The following KCNMB2 variants were observed in gnomAD, a reference collection of about 807,000 sequenced individuals.
KCNMB2 encodes the protein potassium calcium-activated channel subfamily M regulatory beta subunit 2.
In KCNMB2, 9 loss-of-function variants were observed where a neutral mutation model predicts 24.5. The observed-to-expected ratio is 0.37, with a 90% CI of 0.22 to 0.64. The LOEUF (loss-of-function observed/expected upper bound fraction) is 0.64, where lower values mean the gene tolerates loss of function less well. Among genes scored for constraint, KCNMB2 ranks in the 30% least tolerant of loss-of-function variants. The pLI is 0.63. For missense variants in KCNMB2, 226 were observed against 284.3 expected, an observed-to-expected ratio of 0.79 and a Z score of 1.47; for synonymous variants, 109 against 104.4, an observed-to-expected ratio of 1.04 and a Z score of -0.27.
intron 1 of KCNMB2, among the ~76,000 whole-genome samples, chr3:178,573,300 C>G (rs780137130): frequency 3.9e-5 from 6 of 152,164 alleles, no homozygotes; most frequent in Admixed American, 6.5e-5. Context: ...TGAGCCACCA[C>G]ACCTGGCCAG....
Position 178,684,787 on chromosome 3 carries a change from C to T in KCNMB2, c.-67-122556C>T, listed in dbSNP as rs113474201. ...TGGAGGTTGCGGTGAGCCGAGATCG[C>T]GCCATTGCACTCCAGCCTGTGCAAC... On this transcript the variant is annotated intron_variant, in intron 1 of 4. Transcript: ENST00000452583. Among the ~76,000 whole-genome samples, 261 of 152,182 alleles carry T rather than the reference C, an allele frequency of 1.7e-3. 1 individual carries two copies. Among genetic ancestry groups the T allele is most frequent in the African/African-American group, 5.9e-3 (246 of 41,534 alleles).
intron 1 of KCNMB2, among the ~76,000 whole-genome samples, chr3:178,663,400 A>C (rs1720606462): frequency 6.6e-6 from 1 of 152,140 alleles, no homozygotes; most frequent in Non-Finnish European, 1.5e-5. Flanking sequence ...CCATGCTCTT[A>C]ACCATGACAT....
intron 1 of KCNMB2, among the ~76,000 whole-genome samples, chr3:178,655,095 CCTCTCTCT>C (rs67468527): frequency 0.023 from 2,536 of 111,146 alleles, 24 homozygotes; most frequent in Middle Eastern, 0.039. Flanking sequence ...ATTAGCTCTC[CCTCTCTCT>C]CTCTCTCTCT....
intron 1 of KCNMB2, among the ~76,000 whole-genome samples, chr3:178,796,388 A>T (rs1485410780): frequency 6.6e-6 from 1 of 152,214 alleles, no homozygotes; most frequent in African/African-American, 2.4e-5. Flanking sequence ...TTTAATCTGC[A>T]CTATCACATA....
intron 1 of KCNMB2, among the ~76,000 whole-genome samples, chr3:178,573,601 T>C (rs1038555278): frequency 9.2e-5 from 12 of 131,126 alleles, no homozygotes; most frequent in Admixed American, 3.8e-4. Context: ...AAAAAAAAAC[T>C]AGCCAGGTGT....
chr3:178,758,240 G>T (rs1035928538), intron 1 of KCNMB2, among the ~76,000 whole-genome samples: 1 of 8,804 alleles, frequency 1.1e-4, no homozygotes, highest in Non-Finnish European at 2.0e-4. Flanking sequence ...ATATCCAAGG[G>T]GATATATATA....
intron 1 of KCNMB2, among the ~76,000 whole-genome samples, chr3:178,617,835 G>A (rs1237498927): frequency 6.8e-6 from 1 of 147,392 alleles, no homozygotes; most frequent in African/African-American, 2.5e-5. Context: ...AGATTGCAGC[G>A]AGCCAAGATC....
chr3:178,843,298 TG>T lies in KCNMB2; in HGVS notation c.*362del, dbSNP rs1347194562. 2.3e-6 allele frequency: 1 copy of T among 440,892 alleles called. No homozygotes were observed. The highest frequency in any genetic ancestry group is 2.0e-5 in the African/African-American group (1 of 49,244). 27.3% of individuals were successfully genotyped at this position (440,892 alleles called of 1,614,324 possible). The stretch of plus-strand genomic sequence containing the variant: ...CTGTGTTCTGAGTTGTCAGATCTCT[TG>T]AAGACAATATTTTTCATCACTTATT... On this transcript the variant is annotated 3_prime_UTR_variant, in exon 5 of 5. Coordinates refer to ENST00000452583, the MANE Select transcript of KCNMB2 (RefSeq NM_181361.3).
intron 1 of KCNMB2, among the ~76,000 whole-genome samples, chr3:178,666,960 A>T (rs1190261563): frequency 1.3e-5 from 2 of 152,188 alleles, no homozygotes; most frequent in African/African-American, 4.8e-5. Context: ...AACCTACACA[A>T]GTTTTCCCAG....
chr3:178,642,382 C>T (rs924948901), intron 1 of KCNMB2, among the ~76,000 whole-genome samples: 3 of 152,180 alleles, frequency 2.0e-5, no homozygotes, highest in African/African-American at 7.2e-5. Context: ...AATAAGATGA[C>T]ACCTCTGTGG....
chr3:178,758,378 GA>G (rs1724292737), intron 1 of KCNMB2, among the ~76,000 whole-genome samples: 1 of 7,600 alleles, frequency 1.3e-4, no homozygotes, highest in Non-Finnish European at 1.7e-4. Flanking sequence ...ATATCTCCAA[GA>G]GGGGATACAT....
At chr3:178,572,355 T>C (rs897718383) in intron 1 of KCNMB2, among the ~76,000 whole-genome samples, 25 of 152,322 alleles carry the variant, frequency 1.6e-4, no homozygotes, top group Admixed American at 1.3e-3. Flanking sequence ...AATCACTGAT[T>C]TTTCTCAAGG....
chr3:178,748,973 C>T (rs1230455715), intron 1 of KCNMB2: 1 of 152,138 alleles, frequency 6.6e-6, no homozygotes, highest in African/African-American at 2.4e-5. Flanking sequence ...TTTAGCAAAT[C>T]AATGGCTTGT....
At chr3:178,557,070 C>T (rs1461529974) in intron 1 of KCNMB2, among the ~76,000 whole-genome samples, 3 of 152,176 alleles carry the variant, frequency 2.0e-5, no homozygotes, top group Non-Finnish European at 4.4e-5. Flanking sequence ...GAAGAATAAA[C>T]AAGGATTAAT....
chr3:178,761,723 G>C (rs1711891866), intron 1 of KCNMB2, among the ~76,000 whole-genome samples: 1 of 152,090 alleles, frequency 6.6e-6, no homozygotes, highest in Non-Finnish European at 1.5e-5. Context: ...GTAGCTGCTG[G>C]GAGCTATGCC....
intron 1 of KCNMB2, among the ~76,000 whole-genome samples, chr3:178,773,932 G>A (rs1360056723): frequency 5.3e-5 from 8 of 152,086 alleles, no homozygotes; most frequent in African/African-American, 1.9e-4. Flanking sequence ...TGACACACTG[G>A]GTAATTTACA....
intron 1 of KCNMB2, among the ~76,000 whole-genome samples, chr3:178,684,140 A>G (rs139395622): frequency 0.015 from 2,294 of 152,222 alleles, 29 homozygotes; most frequent in Non-Finnish European, 0.022. Context: ...AAACTGTTCT[A>G]TATATATACA....
At chr3:178,790,385 G>A (rs1713274088) in intron 1 of KCNMB2, among the ~76,000 whole-genome samples, 1 of 152,074 alleles carries the variant, frequency 6.6e-6, no homozygotes, top group Admixed American at 6.6e-5. Flanking sequence ...AAAGGAGAGG[G>A]AAGACTAAAG....
intron 1 of KCNMB2, among the ~76,000 whole-genome samples, chr3:178,559,658 A>G (rs962735869): frequency 1.4e-5 from 2 of 147,482 alleles, no homozygotes; most frequent in South Asian, 2.2e-4. Flanking sequence ...ATTATTTTCC[A>G]GGACCCTTTT....
Sources: allele counts gnomAD v4.1 joint callset (sites outside exome capture counted in the v4.1 genomes callset), GRCh38; gene constraint gnomAD v4.1.1; transcripts MANE v1.5; gene names NCBI Gene and HGNC (gene_info 2026-07-23, HGNC 2026-07-21).